The following NBN variants were observed in gnomAD, a reference collection of about 807,000 sequenced individuals.
NBN encodes the protein Nijmegen breakage syndrome 1 (nibrin).
Under a neutral mutation model 90.8 loss-of-function variants are expected in NBN, and 88 were observed. That is an observed-to-expected ratio of 0.97 (90% confidence interval 0.82 to 1.16). The LOEUF is 1.16. Among genes scored for constraint, NBN ranks in the 50% most tolerant of loss-of-function variants. The probability of loss-of-function intolerance (pLI) is 0.00; values close to 1 mark genes in which losing one functional copy is unlikely to be tolerated. For synonymous variants in NBN, 328 were observed against 295.1 expected, an observed-to-expected ratio of 1.11 and a Z score of -1.14; for missense variants, 894 against 869.6, an observed-to-expected ratio of 1.03 and a Z score of -0.35.
At chr8:89,953,130 G>T in intron 11 of NBN, 114 bp downstream of exon 11, 1 of 777,672 alleles carries the variant, frequency 1.3e-6, no homozygotes, top group Non-Finnish European at 2.2e-6. Flanking sequence ...AATTTCTATA[G>T]TACTGAGTGT....
intron 4 of NBN, among the ~76,000 whole-genome samples, chr8:89,980,212 AATTAT>A (rs764752930): frequency 6.6e-6 from 1 of 152,232 alleles, no homozygotes; most frequent in Admixed American, 6.5e-5. Context: ...ATTCTAGTTT[AATTAT>A]ATTAAATACT....
In NBN at chr8:89,964,710, T is replaced by TC. The variant is rs1394562057; in HGVS notation, c.897-204_897-203insG. The stretch of plus-strand genomic sequence containing the variant: ...AGTCTACCATCTTTTAGTAACTCCA[T>TC]TAACTTCATCTGTAAAATAAGGGGC... On this transcript the variant is annotated intron_variant, in intron 7 of 15. Coordinates refer to ENST00000265433, the MANE Select transcript of NBN (RefSeq NM_002485.5). Among the ~76,000 whole-genome samples, 14 of 152,276 alleles carry TC rather than the reference T, an allele frequency of 9.2e-5. No homozygotes were observed. In the South Asian group the frequency reaches 1.0e-3, roughly 11 times the overall value.
At chr8:89,937,874 A>G (rs1422358548) in intron 14 of NBN, among the ~76,000 whole-genome samples, 1 of 152,164 alleles carries the variant, frequency 6.6e-6, no homozygotes. Flanking sequence ...CTCCTAATAA[A>G]TATCCTGTGA....
rs1340637018 is a variant in NBN at position 89,935,398 on chromosome 8, A to C, written c.*184T>G. On this transcript the variant is annotated 3_prime_UTR_variant, in exon 16 of 16. Transcript: ENST00000265433. ...AAAAAGATGCAATGACAAAGCCTGA[A>C]AACAGAACAAACAATTGTTACATAC... 1.5e-6 allele frequency: 1 copy of C among 668,800 alleles called. No homozygotes were observed. The highest frequency in any genetic ancestry group is 2.5e-6 in the Non-Finnish European group (1 of 400,292). 41.4% of individuals were successfully genotyped at this position (668,800 alleles called of 1,614,324 possible).
At chr8:89,941,499 C>T (rs918222203) in intron 14 of NBN, among the ~76,000 whole-genome samples, 2 of 152,126 alleles carry the variant, frequency 1.3e-5, no homozygotes, top group African/African-American at 4.8e-5. Context: ...AGTTTTCCTC[C>T]TTAATATTAG....
intron 12 of NBN, chr8:89,946,689 C>T (rs1159448504): frequency 4.8e-6 from 1 of 209,010 alleles, no homozygotes; most frequent in Admixed American, 5.5e-5. Context: ...ATAATATATC[C>T]TGTTCTACAG....
At position 89,955,497 on chromosome 8, in the gene NBN, T is replaced by C. The variant is rs1810670337; in HGVS notation, c.1183A>G (p.Met395Val). 6.2e-7 allele frequency: 1 copy of C among 1,613,622 alleles called. No individual in the cohort carries two copies. Among genetic ancestry groups the C allele is most frequent in the South Asian group, 1.1e-5 (1 of 91,062 alleles). The stretch of plus-strand genomic sequence containing the variant: ...ACAGTGGGTGCATCTTGTGAAAGCA[T>C]TCTGAATTTTTGTTCCATTTTGGAG... ...KVSKMEQKFR[M>V]LSQDAPTVKE... The change falls in exon 10 of 16, where the codon ATG becomes GTG. Residue 395 changes from methionine (M) to valine (V), a missense_variant. By Grantham distance (21) the Met-to-Val change is conservative. Coordinates refer to ENST00000265433, the MANE Select transcript of NBN (RefSeq NM_002485.5).
At chr8:89,944,589 T>C (rs1247593505) in intron 13 of NBN, among the ~76,000 whole-genome samples, 3 of 152,192 alleles carry the variant, frequency 2.0e-5, no homozygotes, top group African/African-American at 2.4e-5. Context: ...AACCCGCAAG[T>C]TGACCACTTC....
chr8:89,964,701 G>T (rs1811164297), intron 7 of NBN, among the ~76,000 whole-genome samples, 194 bp from the exon 8 acceptor site: 1 of 152,036 alleles, frequency 6.6e-6, no homozygotes. Flanking sequence ...CCATCTTTTA[G>T]TAACTCCATT....
At chr8:89,971,613 G>A (rs1425129043) in intron 5 of NBN, among the ~76,000 whole-genome samples, 1 of 152,160 alleles carries the variant, frequency 6.6e-6, no homozygotes, top group East Asian at 1.9e-4. Context: ...AAAAGTTTGA[G>A]AGAAACATCA....
rs993568115 is a variant in NBN at position 89,934,495 on chromosome 8, A to T, written c.*1087T>A. Reference sequence around the variant, plus strand: ...GGAAGTAAGTTAATTTGGTTCTGGCAAGTAGATGCACTTCCACAAGATTTG... The same window carrying T: ...GGAAGTAAGTTAATTTGGTTCTGGCTAGTAGATGCACTTCCACAAGATTTG... On this transcript the variant is annotated 3_prime_UTR_variant, in exon 16 of 16. Transcript: ENST00000265433. 8.6e-6 allele frequency: 2 copies of T among 233,046 alleles called. No homozygotes were observed. The highest frequency in any genetic ancestry group is 5.6e-5 in the Admixed American group (1 of 17,770). 14.4% of individuals were successfully genotyped at this position (233,046 alleles called of 1,614,324 possible).
chr8:89,936,985 C>T (rs1809716417), intron 15 of NBN, 41 bp downstream of exon 15: 1 of 1,478,812 alleles, frequency 6.8e-7, no homozygotes, highest in Non-Finnish European at 9.4e-7. Context: ...ATTTTATATA[C>T]ATCTCTCAAA....
In NBN at chr8:89,973,655, T is replaced by G. The variant is rs1811615058; in HGVS notation, c.585-2365A>C. Among the ~76,000 whole-genome samples the G allele has an allele frequency of 2.0e-5, 3 of 152,206 alleles. No individual in the cohort carries two copies. In the South Asian group the frequency reaches 6.2e-4, roughly 31 times the overall value. On this transcript the variant is annotated intron_variant, in intron 5 of 15. Coordinates refer to ENST00000265433, the MANE Select transcript of NBN (RefSeq NM_002485.5). ...ATGAGAGCAAGAAAGAAAAGACTAG[T>G]GATGAATGTGAAGAGATCATTGAAA...
intron 5 of NBN, among the ~76,000 whole-genome samples, chr8:89,972,354 A>C (rs1188533764): frequency 6.6e-6 from 1 of 152,256 alleles, no homozygotes; most frequent in Non-Finnish European, 1.5e-5. Context: ...GTCTGTTTTA[A>C]AGCAATGATT....
chr8:89,935,407 A>C lies in NBN; in HGVS notation c.*175T>G. On this transcript the variant is annotated 3_prime_UTR_variant, in exon 16 of 16. Transcript: ENST00000265433. Reference sequence around the variant, plus strand: ...CAATGACAAAGCCTGAAAACAGAACAAACAATTGTTACATACAAAAGAATC... The same window carrying C: ...CAATGACAAAGCCTGAAAACAGAACCAACAATTGTTACATACAAAAGAATC... 1.4e-6 allele frequency: 1 copy of C among 712,638 alleles called. No homozygotes were observed. The allele number at this position is 712,638 out of a possible 1,614,324, so 44.1% of individuals were successfully genotyped here.
intron 12 of NBN, among the ~76,000 whole-genome samples, chr8:89,947,222 G>C (rs974363979): frequency 1.3e-5 from 2 of 152,148 alleles, no homozygotes; most frequent in African/African-American, 2.4e-5. Flanking sequence ...TAGAGTATTT[G>C]AGGTTCTTAA....
intron 8 of NBN, among the ~76,000 whole-genome samples, chr8:89,961,458 T>C (rs1810987529): frequency 6.6e-6 from 1 of 152,178 alleles, no homozygotes; most frequent in African/African-American, 2.4e-5. Context: ...AAAAAGCTAC[T>C]GAGCATAGAA....
chr8:89,976,320 T>G (rs1167483924), intron 5 of NBN, among the ~76,000 whole-genome samples: 1 of 152,218 alleles, frequency 6.6e-6, no homozygotes, highest in African/African-American at 2.4e-5. Flanking sequence ...GGAAAAAATG[T>G]AGAAAGATGC....
In NBN at chr8:89,984,606, C is replaced by T. The variant is rs766132288; in HGVS notation, c.-45G>A. On this transcript the variant is annotated 5_prime_UTR_variant, in exon 1 of 16. Coordinates refer to ENST00000265433, the MANE Select transcript of NBN (RefSeq NM_002485.5). ...TGGGGCCGACGTGCAACCGCGTAAC[C>T]GGGGCTGCTAGACGAGCGCGGATAC... is the stretch of plus-strand genomic sequence containing the variant. 21 of 1,609,406 alleles carry T rather than the reference C, an allele frequency of 1.3e-5. No individual in the cohort carries two copies. The highest frequency in any genetic ancestry group is 2.7e-5 in the African/African-American group (2 of 74,830).
Sources: gnomAD v4.1 joint callset for allele counts (sites outside exome capture counted in the v4.1 genomes callset) on GRCh38, gnomAD v4.1.1 for gene constraint, MANE v1.5 for transcripts, NCBI Gene and HGNC (gene_info 2026-07-23, HGNC 2026-07-21) for gene names.